The following CPLANE1 variants were observed in gnomAD, a reference collection of about 807,000 sequenced individuals.
CPLANE1 encodes the protein ciliogenesis and planar polarity effector 1.
In CPLANE1, 263 loss-of-function variants were observed where a neutral mutation model predicts 362.5. The ratio of observed to expected loss-of-function variants is 0.73; its 90% confidence interval spans 0.66 to 0.80. CPLANE1 has a LOEUF of 0.80. CPLANE1 is among the 30% of genes least tolerant of loss of function. CPLANE1 has a pLI of 0.00. For missense variants in CPLANE1, 3,461 were observed against 3,793.4 expected (o/e 0.91, Z 2.30); for synonymous variants, 1,212 against 1,302.6 (o/e 0.93, Z 1.50).
Position 37,195,917 on chromosome 5 carries a change from A to C in CPLANE1, c.3752T>G (p.Phe1251Cys). 18 of 1,613,590 alleles carry C rather than the reference A, an allele frequency of 1.1e-5. No homozygotes were observed. Among genetic ancestry groups the C allele is most frequent in the Non-Finnish European group, 1.4e-5 (17 of 1,179,804 alleles). ...LLNYCKGGIA[F>C]FRPGAAGDHK... is the part of the protein sequence containing the mutation. ...GTCTCCAGCTGCTCCAGGTCTAAAAAATGCGATACCTCCTTTACAGTAATT... is the reference window on the plus strand; with the variant it reads ...GTCTCCAGCTGCTCCAGGTCTAAAACATGCGATACCTCCTTTACAGTAATT... The change falls in exon 21 of 53, where the codon TTT becomes TGT. Residue 1251 changes from phenylalanine (F) to cysteine (C), a missense_variant. By Grantham distance (205) the Phe-to-Cys change is radical. Around this residue, in one of 2 missense-constraint regions of CPLANE1, gnomAD observed 3,380 missense variants for 3,666.1 expected, o/e 0.92. Coordinates refer to ENST00000651892, the MANE Select transcript of CPLANE1 (RefSeq NM_001384732.1).
chr5:37,114,236 T>A (rs185925177), intron 51 of CPLANE1, among the ~76,000 whole-genome samples: 91 of 152,334 alleles, frequency 6.0e-4, no homozygotes, highest in Admixed American at 1.7e-3. Context: ...ACATGAGGTG[T>A]GAACACAATG....
rs561819594 is a variant in CPLANE1, at chr5:37,233,587, C to A, written c.939-2538G>T. 2.6e-5 allele frequency among the ~76,000 whole-genome samples: 4 copies of A among 152,106 alleles called. No individual in the cohort carries two copies. The South Asian group carries it at 8.3e-4, about 32-fold the overall frequency. On this transcript the variant is annotated intron_variant, in intron 8 of 52. Transcript: ENST00000651892. Reference sequence around the variant, plus strand: ...AGCAGCTATGTCATGGGGGACTAGTCCCCCCAAACCATCACAACTTCCAGT... The same window carrying A: ...AGCAGCTATGTCATGGGGGACTAGTACCCCCAAACCATCACAACTTCCAGT...
At chr5:37,178,813 G>A (rs960856676) in intron 29 of CPLANE1, among the ~76,000 whole-genome samples, 4 of 152,030 alleles carry the variant, frequency 2.6e-5, no homozygotes, top group African/African-American at 9.7e-5. Flanking sequence ...AGGCTGGAAT[G>A]TAGTAGCACA....
intron 44 of CPLANE1, chr5:37,139,605 G>A (rs1420556469): frequency 2.6e-6 from 2 of 756,852 alleles, no homozygotes; most frequent in South Asian, 4.5e-5. Context: ...CAGGCTAAGT[G>A]CAGCGACATG....
rs762097457 is a variant in CPLANE1, at chr5:37,162,575, T to C, written c.7589-9A>G. 3.2e-6 allele frequency: 5 copies of C among 1,572,148 alleles called. No individual in the cohort carries two copies. Among genetic ancestry groups the C allele is most frequent in the East Asian group, 2.2e-5 (1 of 44,654 alleles). ...ATCATCTTGTAGCATTTCTTAAATA[T>C]AATAAAACATTGGAAGTAATCATTG... On this transcript the variant is annotated splice_polypyrimidine_tract_variant and intron_variant, in intron 37 of 52. Coordinates refer to ENST00000651892, the MANE Select transcript of CPLANE1 (RefSeq NM_001384732.1).
chr5:37,171,465 T>C (rs908255362), intron 32 of CPLANE1, among the ~76,000 whole-genome samples: 7 of 152,144 alleles, frequency 4.6e-5, no homozygotes, highest in Admixed American at 1.3e-4. Flanking sequence ...CCAGGCATCA[T>C]ACTTTGAGAA....
intron 46 of CPLANE1, among the ~76,000 whole-genome samples, chr5:37,132,117 CGAATAATAG>C (rs1202723007): frequency 1.3e-5 from 2 of 151,828 alleles, no homozygotes; most frequent in African/African-American, 4.8e-5. Flanking sequence ...GCAGATACAT[CGAATAATAG>C]AAATTAAAAT....
intron 21 of CPLANE1, among the ~76,000 whole-genome samples, chr5:37,193,935 T>C (rs1786433981): frequency 6.6e-6 from 1 of 150,896 alleles, no homozygotes; most frequent in Non-Finnish European, 1.5e-5. Context: ...TTTTTTTTTT[T>C]TTTTGAGACA....
chr5:37,142,140 T>A, intron 44 of CPLANE1, 170 bp downstream of exon 44: 1 of 1,212,822 alleles, frequency 8.2e-7, no homozygotes, highest in Non-Finnish European at 1.0e-6. Flanking sequence ...GGTGACAAGA[T>A]GTCACAGTTC....
chr5:37,158,476 G>A, intron 38 of CPLANE1, 131 bp from the exon 39 acceptor site: 1 of 792,180 alleles, frequency 1.3e-6, no homozygotes, highest in Non-Finnish European at 1.9e-6. Flanking sequence ...AAGTAGAAGT[G>A]ACATGGGTAT....
chr5:37,150,081 C>T (rs56411187), intron 42 of CPLANE1, among the ~76,000 whole-genome samples: 4,285 of 152,268 alleles, frequency 0.028, 92 homozygotes, highest in Middle Eastern at 0.1. Context: ...GTCACCTCCA[C>T]CTCCCCAACA....
intron 15 of CPLANE1, among the ~76,000 whole-genome samples, chr5:37,220,723 T>C (rs1398791994): frequency 3.3e-5 from 5 of 152,206 alleles, no homozygotes; most frequent in Admixed American, 1.3e-4. Flanking sequence ...GGTTTCACCA[T>C]GTTAGCCAGG....
intron 21 of CPLANE1, among the ~76,000 whole-genome samples, chr5:37,188,650 A>G (rs1784662756): frequency 6.6e-6 from 1 of 152,228 alleles, no homozygotes; most frequent in Non-Finnish European, 1.5e-5. Flanking sequence ...CATTTGATCC[A>G]AAAATCCCAC....
chr5:37,084,214 TACAA>T, the CPLANE1 span, among the ~76,000 whole-genome samples: 1 of 152,128 alleles, frequency 6.6e-6, no homozygotes, highest in East Asian at 1.9e-4. Context: ...GTCTTTTCCA[TACAA>T]ACAAATGCTG....
intron 37 of CPLANE1, among the ~76,000 whole-genome samples, chr5:37,162,970 G>A (rs1010872819): frequency 2.0e-5 from 3 of 152,212 alleles, no homozygotes; most frequent in South Asian, 2.1e-4. Context: ...GTGGGCCACC[G>A]TGTCCAGCCT....
At chr5:37,171,432 T>A (rs1019213152) in intron 32 of CPLANE1, among the ~76,000 whole-genome samples, 1 of 152,192 alleles carries the variant, frequency 6.6e-6, no homozygotes, top group African/African-American at 2.4e-5. Context: ...TTCCAAAGTC[T>A]AAGTGATGCT....
chr5:37,142,069 T>C (rs995791344), intron 44 of CPLANE1: 6 of 932,822 alleles, frequency 6.4e-6, no homozygotes, highest in African/African-American at 3.5e-5. Context: ...CCAGTTGCTA[T>C]ATATTTCATA....
At chr5:37,086,730 G>A in the CPLANE1 span, among the ~76,000 whole-genome samples, 6 of 152,134 alleles carry the variant, frequency 3.9e-5, no homozygotes. Flanking sequence ...GAGGGCCAGC[G>A]AGTCAGGGCC....
At chr5:37,158,841 T>C (rs1258125466) in intron 38 of CPLANE1, among the ~76,000 whole-genome samples, 1 of 151,346 alleles carries the variant, frequency 6.6e-6, no homozygotes, top group Non-Finnish European at 1.5e-5. Flanking sequence ...CAGGCTGCAG[T>C]GCAGTAACAT....
Sources: allele counts gnomAD v4.1 joint callset (sites outside exome capture counted in the v4.1 genomes callset), GRCh38; gene constraint gnomAD v4.1.1; regional missense constraint gnomAD v4.1.1; transcripts MANE v1.5; gene names NCBI Gene and HGNC (gene_info 2026-07-23, HGNC 2026-07-21).